Variants in ATP7B observed in about 807,000 individuals in gnomAD.
The protein encoded by ATP7B is ATPase copper transporting beta.
A neutral mutation model predicts 118.9 loss-of-function variants in ATP7B; 113 were observed. The ratio of observed to expected loss-of-function variants is 0.95; its 90% CI spans 0.82 to 1.11. ATP7B has a LOEUF of 1.11. Ranked by LOEUF, ATP7B falls within the 50% of genes most tolerant of loss-of-function variation. ATP7B has a pLI of 0.00. For missense variants in ATP7B, 1,867 were observed against 1,871.4 expected (o/e 1.00, Z 0.04); for synonymous variants, 777 against 727.4 (o/e 1.07, Z -1.10).
At chr13:51,959,632 C>T (rs1386835718) in intron 7 of ATP7B, 1 of 174,190 alleles carries the variant, frequency 5.7e-6, no homozygotes. Context: ...GGGCACACTT[C>T]CCACCAGACA....
At position 51,974,659 on chromosome 13, in the gene ATP7B, A is replaced by AAG. The variant is rs2140096995; in HGVS notation, c.560_561insCT (p.Gln188PhefsTer15). On this transcript the variant is annotated frameshift_variant, in exon 2 of 21. Coordinates refer to ENST00000242839, the MANE Select transcript of ATP7B (RefSeq NM_000053.4). LOFTEE classifies it high-confidence loss of function. ...CTTCGGGCTGAATGAGATAAGGCTG[A>AAG]TAAGTGATGACGGCCTCTTGGTTGC... 6.2e-7 allele frequency: 1 copy of AAG among 1,611,394 alleles called. No individual in the cohort carries two copies.
chr13:51,997,474 G>A (rs956683862), intron 1 of ATP7B, among the ~76,000 whole-genome samples: 2 of 152,150 alleles, frequency 1.3e-5, no homozygotes, highest in Non-Finnish European at 2.9e-5. Flanking sequence ...TATTCTGTTA[G>A]CTCCATGAAA....
At chr13:51,983,566 G>C (rs1327229083) in intron 1 of ATP7B, among the ~76,000 whole-genome samples, 2 of 152,160 alleles carry the variant, frequency 1.3e-5, no homozygotes, top group African/African-American at 2.4e-5. Flanking sequence ...GCTCTGCTAA[G>C]GGTCAGACTG....
chr13:51,987,895 C>T (rs1952734506), intron 1 of ATP7B, among the ~76,000 whole-genome samples: 1 of 152,072 alleles, frequency 6.6e-6, no homozygotes, highest in African/African-American at 2.4e-5. Context: ...TTACACCTTA[C>T]ACAAAAATTA....
Position 51,941,173 on chromosome 13 carries a change from C to T in ATP7B, c.3464G>A (p.Arg1155Lys), listed in dbSNP as rs1354083723. 1.2e-6 allele frequency: 2 copies of T among 1,614,010 alleles called. No individual in the cohort carries two copies. The highest frequency in any genetic ancestry group is 1.7e-6 in the Non-Finnish European group (2 of 1,180,036). Residue 1155 changes from arginine to lysine, a missense_variant, in exon 16 of 21, where the codon AGG becomes AAG. Coordinates refer to ENST00000242839, the MANE Select transcript of ATP7B (RefSeq NM_000053.4). ...GCTAGAAATGGTTAAACCGTTGCGC[C>T]TCAGCCACTCACGGTTTCCAATCAG... ...SVLIGNREWLRRNGLTISSDV... is the reference protein window; with the variant it reads ...SVLIGNREWLKRNGLTISSDV...
chr13:51,934,793 A>G lies in ATP7B; in HGVS notation c.4361T>C (p.Leu1454Pro), dbSNP rs377492122. Residue 1454 changes from leucine (L) to proline (P), a missense_variant, in exon 21 of 21, where the codon CTG becomes CCG. Leu to Pro is a moderately conservative substitution (Grantham distance 98). Transcript: ENST00000242839. ...CTCCTCATCCCTGCCATTCAGGAGC[A>G]GAGACCACTTGTCCCCATCATCGTC... ...AADDDGDKWS[L>P]LLNGRDEEQY... 6 of 1,614,048 alleles carry G rather than the reference A, an allele frequency of 3.7e-6. No homozygotes were observed. The Admixed American group carries it at 5.0e-5, about 13-fold the overall frequency.
At chr13:51,952,458 T>C (rs563782469) in intron 9 of ATP7B, among the ~76,000 whole-genome samples, 1 of 152,328 alleles carries the variant, frequency 6.6e-6, no homozygotes, top group South Asian at 2.1e-4. Context: ...TCTTACTTAC[T>C]TGAGAAGGAG....
chr13:51,947,664 G>A (rs1464122921), intron 12 of ATP7B, among the ~76,000 whole-genome samples: 1 of 152,118 alleles, frequency 6.6e-6, no homozygotes, highest in Non-Finnish European at 1.5e-5. Context: ...TTTAGGTAGA[G>A]GGATATATTA....
Position 51,970,677 on chromosome 13 carries a change from G to C in ATP7B, c.1358C>G (p.Pro453Arg), listed in dbSNP as rs749322690. 6.2e-7 allele frequency: 1 copy of C among 1,614,064 alleles called. No homozygotes were observed. Among genetic ancestry groups the C allele is most frequent in the Non-Finnish European group, 8.5e-7 (1 of 1,179,940 alleles). Residue 453 changes from proline to arginine, a missense_variant, in exon 3 of 21, where the codon CCT (proline) becomes CGT (arginine). Pro to Arg is a moderately radical substitution (Grantham distance 103). Transcript: ENST00000242839. The part of the protein sequence containing the change: ...NSMVQTTDGT[P>R]TSVQEVAPHT... Reference sequence around the variant, plus strand: ...GGGAGCCACTTCCTGCACAGATGTAGGTGTACCATCTGTAGTTTGCACCAT... The same window carrying C: ...GGGAGCCACTTCCTGCACAGATGTACGTGTACCATCTGTAGTTTGCACCAT...
chr13:52,004,898 T>TG (rs1953695564), intron 1 of ATP7B, among the ~76,000 whole-genome samples: 1 of 152,180 alleles, frequency 6.6e-6, no homozygotes. Flanking sequence ...CCACAGCTCT[T>TG]GAACTCTGCT....
intron 8 of ATP7B, chr13:51,957,895 A>T: frequency 2.1e-6 from 1 of 485,804 alleles, no homozygotes; most frequent in East Asian, 4.0e-5. Flanking sequence ...GTTCAATCTA[A>T]TTTCTTTTAG....
At chr13:51,958,576 A>G in intron 7 of ATP7B, 32 bp from the exon 8 acceptor site, 1 of 1,594,942 alleles carries the variant, frequency 6.3e-7, no homozygotes, top group Admixed American at 1.7e-5. Context: ...GGCTGCCAGC[A>G]AGTAGGGAGG....
rs749716615 is a variant in ATP7B, at chr13:51,974,641, C to T, written c.579G>A (p.Gln193=). ...TTACATGGTCCCTGAGGTCTTCGGG[C>T]TGAATGAGATAAGGCTGATAAGTGA... is the stretch of plus-strand genomic sequence containing the variant. The part of the protein sequence containing the change: ...AVITYQPYLI[Q]PEDLRDHVND... Residue 193 remains glutamine, a synonymous_variant, in exon 2 of 21, where the codon CAG becomes CAA. Transcript: ENST00000242839. 1.9e-6 allele frequency: 3 copies of T among 1,612,198 alleles called. No homozygotes were observed. The African/African-American group carries it at 4.0e-5, about 22-fold the overall frequency.
At chr13:51,937,434 T>G in intron 18 of ATP7B, 41 bp from the exon 19 acceptor site, 1 of 1,614,122 alleles carries the variant, frequency 6.2e-7, no homozygotes, top group South Asian at 1.1e-5. Context: ...GGTCTGCCCA[T>G]TGCCCTCCCA....
At position 51,944,094 on chromosome 13, in the gene ATP7B, C is replaced by A; in HGVS notation, c.3243+15G>T. On this transcript the variant is annotated intron_variant, in intron 14 of 20. Transcript: ENST00000242839. The stretch of plus-strand genomic sequence containing the variant: ...CATTGGCGGGGAGGGCAGGGCCACG[C>A]CCAAGTCCACGTACCTCTTTACAGT... The A allele has an allele frequency of 1.2e-6, 2 of 1,613,958 alleles. No homozygotes were observed. The highest frequency in any genetic ancestry group is 3.3e-5 in the Admixed American group (2 of 60,006).
intron 1 of ATP7B, among the ~76,000 whole-genome samples, chr13:51,996,121 T>C (rs1485662248): frequency 6.6e-6 from 1 of 152,182 alleles, no homozygotes; most frequent in African/African-American, 2.4e-5. Context: ...CTAGGCAACA[T>C]GACTTGTATT....
At chr13:51,939,947 C>G (rs1005765723) in intron 16 of ATP7B, among the ~76,000 whole-genome samples, 5 of 149,682 alleles carry the variant, frequency 3.3e-5, no homozygotes, top group African/African-American at 1.2e-4. Context: ...AGACTCTAAT[C>G]TCTCTGGGAT....
At chr13:51,977,911 A>G (rs1296500512) in intron 1 of ATP7B, among the ~76,000 whole-genome samples, 1 of 152,256 alleles carries the variant, frequency 6.6e-6, no homozygotes, top group Non-Finnish European at 1.5e-5. Flanking sequence ...TAAGGATGAC[A>G]TGGTATAACA....
intron 4 of ATP7B, 87 bp from the exon 5 acceptor site, chr13:51,965,120 G>T: frequency 6.5e-7 from 1 of 1,544,496 alleles, no homozygotes; most frequent in South Asian, 1.1e-5. Flanking sequence ...GTAACAGGCA[G>T]CCAAGAGCCT....
Sources: gnomAD v4.1 joint callset for allele counts (sites outside exome capture counted in the v4.1 genomes callset) on GRCh38, gnomAD v4.1.1 for gene constraint, MANE v1.5 for transcripts, NCBI Gene and HGNC (gene_info 2026-07-23, HGNC 2026-07-21) for gene names.